ADAM12: variants seen among roughly 807,000 people sequenced by gnomAD.
ADAM12 encodes ADAM metallopeptidase domain 12, also known as disintegrin and metalloproteinase domain-containing protein 12.
ADAM12 carries 70 observed loss-of-function variants against 106.4 expected under a neutral mutation model. The observed-to-expected ratio is 0.66, with a 90% CI of 0.54 to 0.80. ADAM12 has a LOEUF of 0.80. Among genes scored for constraint, ADAM12 ranks in the 30% least tolerant of loss-of-function variants. ADAM12 has a pLI of 0.00. For missense variants in ADAM12, 1,010 were observed against 1,171.9 expected (o/e 0.86, Z 2.02); for synonymous variants, 420 against 433.5 (o/e 0.97, Z 0.39).
chr10:126,295,904 C>A (rs561248208), intron 2 of ADAM12, among the ~76,000 whole-genome samples: 4 of 106,798 alleles, frequency 3.7e-5, no homozygotes, highest in African/African-American at 1.2e-4. Context: ...CAGACACACA[C>A]ACACAAACAC....
intron 3 of ADAM12, among the ~76,000 whole-genome samples, chr10:126,203,495 T>C (rs1957738223): frequency 6.6e-6 from 1 of 152,216 alleles, no homozygotes; most frequent in South Asian, 2.1e-4. Flanking sequence ...TCAGACGTTC[T>C]TTTTGAATAA....
At chr10:126,108,456 T>A (rs760348006) in intron 8 of ADAM12, 137 bp downstream of exon 8, 1 of 733,238 alleles carries the variant, frequency 1.4e-6, no homozygotes, top group Non-Finnish European at 2.3e-6. Context: ...AATTACACAC[T>A]CAGAGGACAG....
intron 2 of ADAM12, among the ~76,000 whole-genome samples, chr10:126,284,332 CAAAAAAAAAAAAAA>C (rs58488226): frequency 6.4e-5 from 3 of 46,518 alleles, no homozygotes; most frequent in South Asian, 8.8e-4. Flanking sequence ...GACTCCATCT[CAAAAAAAAAAAAAA>C]AAAAAAAAAA....
At chr10:126,233,095 G>A (rs1958344747) in intron 3 of ADAM12, among the ~76,000 whole-genome samples, 2 of 152,198 alleles carry the variant, frequency 1.3e-5, no homozygotes, top group South Asian at 4.1e-4. Context: ...GGGGACAGAT[G>A]TATGTGGGAG....
intron 4 of ADAM12, chr10:126,145,337 C>T (rs1565093349): frequency 6.6e-6 from 1 of 152,322 alleles, no homozygotes. Flanking sequence ...TAGGTGTCTC[C>T]CATTGTAAAT....
intron 3 of ADAM12, among the ~76,000 whole-genome samples, chr10:126,195,833 T>A (rs543542881): frequency 0.062 from 9,482 of 152,214 alleles, 418 homozygotes; most frequent in African/African-American, 0.12. Flanking sequence ...AACTGATATC[T>A]AAAAGACAGG....
intron 3 of ADAM12, among the ~76,000 whole-genome samples, chr10:126,167,746 T>C (rs560781997): frequency 2.6e-4 from 40 of 152,368 alleles, no homozygotes; most frequent in Non-Finnish European, 4.3e-4. Context: ...CTTCTTGCCC[T>C]GGACTGCAAG....
intron 3 of ADAM12, among the ~76,000 whole-genome samples, chr10:126,190,060 G>A (rs965458203): frequency 6.6e-6 from 1 of 152,062 alleles, no homozygotes; most frequent in African/African-American, 2.4e-5. Flanking sequence ...GTGCAGCCTC[G>A]ATGGCAGGCA....
chr10:126,373,430 C>A (rs1336722325), intron 1 of ADAM12, among the ~76,000 whole-genome samples: 1 of 152,194 alleles, frequency 6.6e-6, no homozygotes, highest in Admixed American at 6.5e-5. Flanking sequence ...AACATGCCAG[C>A]AGGAAAGCAG....
intron 3 of ADAM12, among the ~76,000 whole-genome samples, chr10:126,167,431 T>TTA (rs1290461993): frequency 2.0e-5 from 3 of 152,236 alleles, no homozygotes; most frequent in African/African-American, 7.2e-5. Context: ...TTGAAAGAAA[T>TTA]TATAAAGAAT....
At chr10:126,046,689 GCTT>G (rs1261261886) in intron 16 of ADAM12, among the ~76,000 whole-genome samples, 1 of 150,790 alleles carries the variant, frequency 6.6e-6, no homozygotes, top group African/African-American at 2.4e-5. Flanking sequence ...TGTAATTCCA[GCTT>G]CTTGGGAGGC....
At chr10:126,051,583 ATCCATCCAGCCAGCCAGCCACCTG>A (rs1333486714) in intron 14 of ADAM12, among the ~76,000 whole-genome samples, 66 of 138,904 alleles carry the variant, frequency 4.8e-4, no homozygotes, top group Non-Finnish European at 9.2e-4. Flanking sequence ...CCATCCATCC[ATCCATCCAGCCAGCCAGCCACCTG>A]TCCATCCATC....
At chr10:126,281,051 A>G (rs1352545874) in intron 2 of ADAM12, among the ~76,000 whole-genome samples, 1 of 152,202 alleles carries the variant, frequency 6.6e-6, no homozygotes, top group Non-Finnish European at 1.5e-5. Context: ...GGACTCCTGC[A>G]TATTTGCCTA....
chr10:126,192,782 T>A (rs1430240731), intron 3 of ADAM12, among the ~76,000 whole-genome samples: 1 of 152,226 alleles, frequency 6.6e-6, no homozygotes, highest in Non-Finnish European at 1.5e-5. Context: ...TTTTGAAAGA[T>A]ATGCCAAAGA....
chr10:126,072,428 G>A (rs1955016274), intron 11 of ADAM12, among the ~76,000 whole-genome samples: 1 of 152,096 alleles, frequency 6.6e-6, no homozygotes, highest in African/African-American at 2.4e-5. Flanking sequence ...AGTGATATAG[G>A]TCACTTTTGG....
intron 1 of ADAM12, among the ~76,000 whole-genome samples, chr10:126,381,847 T>TA (rs1856503232): frequency 6.6e-6 from 1 of 151,792 alleles, no homozygotes; most frequent in Admixed American, 6.6e-5. Context: ...TGGTAGTGTG[T>TA]GCCTGGAGTC....
rs1004930954 is a variant in ADAM12, at chr10:126,064,785, G to A, written c.1609+21C>T. ...GTCTGCCAGTGCCTCTCCTGATGCC[G>A]AGCTTGTGGCGGCCACGTACCTGGT... On this transcript the variant is annotated intron_variant, in intron 14 of 22. Transcript: ENST00000448723. The surrounding 1 kb of genome is among the most constrained non-coding windows in gnomAD (Gnocchi z 4.4). 1.1e-5 allele frequency: 18 copies of A among 1,584,538 alleles called. No homozygotes were observed. In the East Asian group the frequency reaches 1.8e-4, roughly 16 times the overall value.
intron 1 of ADAM12, among the ~76,000 whole-genome samples, chr10:126,360,734 C>T (rs139273359): frequency 1.3e-5 from 2 of 152,352 alleles, no homozygotes; most frequent in East Asian, 3.9e-4. Context: ...ACTGTTTCAA[C>T]CTTTGCCTGT....
intron 3 of ADAM12, among the ~76,000 whole-genome samples, chr10:126,231,108 C>CT (rs1201310422): frequency 6.6e-6 from 1 of 152,190 alleles, no homozygotes; most frequent in Non-Finnish European, 1.5e-5. Flanking sequence ...CCCCTATTGA[C>CT]TTTTGCCTGC....
Sources: gnomAD v4.1 joint callset for allele counts (sites outside exome capture counted in the v4.1 genomes callset) on GRCh38, gnomAD v4.1.1 for gene constraint, Gnocchi (gnomAD v3.1) non-coding constraint, MANE v1.5 for transcripts, NCBI Gene and HGNC (gene_info 2026-07-23, HGNC 2026-07-21) for gene names.